The following NETO2 variants were observed in gnomAD, a reference collection of about 807,000 sequenced individuals.
NETO2 encodes the protein neuropilin and tolloid like 2, also known as neuropilin and tolloid-like protein 2.
NETO2 carries 28 observed loss-of-function variants against 62.5 expected under a neutral mutation model. The observed-to-expected ratio is 0.45, with a 90% confidence interval of 0.33 to 0.61. The LOEUF (loss-of-function observed/expected upper bound fraction) is 0.61, where lower values mean the gene tolerates loss of function less well. NETO2 is among the 20% of genes least tolerant of loss of function. The pLI, the probability that NETO2 is intolerant of heterozygous loss-of-function variation, is 0.02. For synonymous variants in NETO2, 214 were observed against 219.1 expected (o/e 0.98, Z 0.21); for missense variants, 548 against 643.2 (o/e 0.85, Z 1.60).
chr16:47,129,239 T>C lies in NETO2; in HGVS notation c.217A>G (p.Ile73Val), dbSNP rs771871789. Residue 73 changes from isoleucine to valine, a missense_variant, in exon 3 of 9, where the codon ATC becomes GTC. By Grantham distance (29) the Ile-to-Val change is conservative. Coordinates refer to ENST00000562435, the MANE Select transcript of NETO2 (RefSeq NM_018092.5). ...PDSYPPNKEC[I>V]YILEAAPRQR... Reference sequence around the variant, plus strand: ...GTTCAAATACCTTCCAAAATGTAGATACACTCCTTGTTTGGTGGATATGAG... The same window carrying C: ...GTTCAAATACCTTCCAAAATGTAGACACACTCCTTGTTTGGTGGATATGAG... 4.3e-6 allele frequency: 7 copies of C among 1,613,972 alleles called. No homozygotes were observed. The highest frequency in any genetic ancestry group is 5.9e-6 in the Non-Finnish European group (7 of 1,179,944).
At chr16:47,136,903 T>A (rs889494748) in intron 1 of NETO2, among the ~76,000 whole-genome samples, 1 of 151,922 alleles carries the variant, frequency 6.6e-6, no homozygotes, top group African/African-American at 2.4e-5. Context: ...GCACCTTCAT[T>A]TACTAACGAC....
At chr16:47,142,390 T>C (rs578036003) in intron 1 of NETO2, among the ~76,000 whole-genome samples, 142 of 152,314 alleles carry the variant, frequency 9.3e-4, no homozygotes, top group African/African-American at 3.4e-3. Context: ...TTTAGGAATA[T>C]GTGGAGAGTA....
intron 7 of NETO2, among the ~76,000 whole-genome samples, chr16:47,089,135 T>C (rs992527318): frequency 3.3e-5 from 5 of 152,310 alleles, no homozygotes; most frequent in Non-Finnish European, 7.4e-5. Context: ...TTTCTCTATA[T>C]ACAGTTCAAC....
chr16:47,078,546 T>A lies in NETO2; in HGVS notation c.*4675A>T, dbSNP rs1283841141. 1.3e-5 allele frequency: 2 copies of A among 152,196 alleles called. No homozygotes were observed. Among genetic ancestry groups the A allele is most frequent in the African/African-American group, 4.8e-5 (2 of 41,450 alleles). The allele number at this position is 152,196 out of a possible 1,614,324, so 9.4% of individuals were successfully genotyped here. A position where few individuals can be genotyped will look rare whatever the true frequency, so the allele number is the denominator to read the frequency against. ...AAAATACATTTTTAAAAAGTTAAAGTAAAGCAAATTCAGAGTTTTGAATTA... is the reference window on the plus strand; with the variant it reads ...AAAATACATTTTTAAAAAGTTAAAGAAAAGCAAATTCAGAGTTTTGAATTA... On this transcript the variant is annotated 3_prime_UTR_variant, in exon 9 of 9. Coordinates refer to ENST00000562435, the MANE Select transcript of NETO2 (RefSeq NM_018092.5).
chr16:47,142,500 C>T (rs754338442), intron 1 of NETO2, among the ~76,000 whole-genome samples: 2 of 152,140 alleles, frequency 1.3e-5, no homozygotes, highest in Non-Finnish European at 2.9e-5. Flanking sequence ...AAAAGTCACT[C>T]TACAAATATT....
intron 1 of NETO2, among the ~76,000 whole-genome samples, chr16:47,136,386 G>T (rs1182811573): frequency 6.6e-6 from 1 of 151,994 alleles, no homozygotes; most frequent in Non-Finnish European, 1.5e-5. Context: ...CTCAGAAATA[G>T]ATATATATAT....
intron 7 of NETO2, among the ~76,000 whole-genome samples, chr16:47,089,233 T>C (rs1963261672): frequency 6.6e-6 from 1 of 152,172 alleles, no homozygotes; most frequent in Non-Finnish European, 1.5e-5. Context: ...GTGGCTGACA[T>C]GACTGAAGAG....
chr16:47,087,086 T>C (rs1487434222), intron 7 of NETO2, among the ~76,000 whole-genome samples: 10 of 151,706 alleles, frequency 6.6e-5, no homozygotes, highest in Admixed American at 6.6e-4. Flanking sequence ...TGGAGTGCAG[T>C]GGCATGATCT....
rs567827312 is a variant in NETO2 at position 47,110,834 on chromosome 16, G to A, written c.655-1123C>T. ...CCCCACCCCACCAAATACCTTGATG[G>A]CATAAAACTAAGAGAGAACAACTTA... On this transcript the variant is annotated intron_variant, in intron 6 of 8. Transcript: ENST00000562435. Among the ~76,000 whole-genome samples the A allele has an allele frequency of 2.6e-5, 4 of 151,266 alleles. No individual in the cohort carries two copies. In the East Asian group the frequency reaches 7.8e-4, roughly 29 times the overall value.
In NETO2 at chr16:47,109,592, A is replaced by G. The variant is rs372099839; in HGVS notation, c.774T>C (p.Thr258=). 5 of 1,613,968 alleles carry G rather than the reference A, an allele frequency of 3.1e-6. No individual in the cohort carries two copies. In the Admixed American group the frequency reaches 5.0e-5, roughly 16 times the overall value. The change falls in exon 7 of 9, where the codon ACT becomes ACC. Residue 258 remains threonine, a synonymous_variant. Transcript: ENST00000562435. ...IENLKAKFCS[T]VANDVMLKTG... The stretch of plus-strand genomic sequence containing the variant: ...TTTTAAGCATTACATCATTGGCCAC[A>G]GTGCTGCAAAACTTGGCCTTCAGGT...
intron 6 of NETO2, among the ~76,000 whole-genome samples, chr16:47,114,753 A>C (rs1391549124): frequency 6.6e-6 from 1 of 151,728 alleles, no homozygotes; most frequent in Non-Finnish European, 1.5e-5. Context: ...CCCAGCCTGA[A>C]TTTTTCTTTT....
At chr16:47,137,835 T>C (rs1055047179) in intron 1 of NETO2, among the ~76,000 whole-genome samples, 5 of 152,192 alleles carry the variant, frequency 3.3e-5, no homozygotes, top group African/African-American at 1.2e-4. Flanking sequence ...ATACCTAAAC[T>C]AACAGTTTAA....
At chr16:47,097,750 C>T (rs907316895) in intron 7 of NETO2, among the ~76,000 whole-genome samples, 1 of 152,162 alleles carries the variant, frequency 6.6e-6, no homozygotes, top group South Asian at 2.1e-4. Context: ...CAGAAGGGGT[C>T]GACAGACACC....
At chr16:47,134,645 C>A (rs1428784950) in intron 1 of NETO2, among the ~76,000 whole-genome samples, 1 of 152,112 alleles carries the variant, frequency 6.6e-6, no homozygotes, top group African/African-American at 2.4e-5. Context: ...TAACTATTTA[C>A]CAGTTTGACA....
rs12597976 is a variant in NETO2 at position 47,107,621 on chromosome 16, T to C, written c.883+1862A>G. ...TCCAGCGTTGGGTCAGGGAAAACAC[T>C]AGTTGAGCCTGGTTCATCCAGCATT... On this transcript the variant is annotated intron_variant, in intron 7 of 8. Coordinates refer to ENST00000562435, the MANE Select transcript of NETO2 (RefSeq NM_018092.5). 7.5e-4 allele frequency among the ~76,000 whole-genome samples: 114 copies of C among 152,300 alleles called. No homozygotes were observed. The East Asian group carries it at 0.021, about 29-fold the overall frequency.
chr16:47,097,908 C>A (rs1963462057), intron 7 of NETO2, among the ~76,000 whole-genome samples: 1 of 152,184 alleles, frequency 6.6e-6, no homozygotes, highest in South Asian at 2.1e-4. Context: ...CTCCAGCAAA[C>A]TCCAGCAGAT....
intron 7 of NETO2, among the ~76,000 whole-genome samples, chr16:47,089,498 T>C (rs570524757): frequency 6.6e-6 from 1 of 152,324 alleles, no homozygotes; most frequent in South Asian, 2.1e-4. Flanking sequence ...ATACTTCTGT[T>C]TTAGACTTAA....
In NETO2 at chr16:47,143,700, C is replaced by G. The variant is rs1964514738; in HGVS notation, c.-88G>C. The G allele has an allele frequency of 2.5e-6, 3 of 1,207,484 alleles. No individual in the cohort carries two copies. In the African/African-American group the frequency reaches 4.7e-5, roughly 19 times the overall value. 74.8% of individuals were successfully genotyped at this position (1,207,484 alleles called of 1,614,324 possible). On this transcript the variant is annotated 5_prime_UTR_variant, in exon 1 of 9. Coordinates refer to ENST00000562435, the MANE Select transcript of NETO2 (RefSeq NM_018092.5). ...ACGGCTCGGCGCGGCGGCGACGGCC[C>G]CACTCCGTCCCCATCGCCGGCCAGC...
chr16:47,094,751 C>T (rs1963394479), intron 7 of NETO2, among the ~76,000 whole-genome samples: 1 of 151,988 alleles, frequency 6.6e-6, no homozygotes, highest in South Asian at 2.1e-4. Context: ...CGGGGTCTTG[C>T]TCTGTCACCC....
Sources: allele counts gnomAD v4.1 joint callset (sites outside exome capture counted in the v4.1 genomes callset), GRCh38; gene constraint gnomAD v4.1.1; transcripts MANE v1.5; gene names NCBI Gene and HGNC (gene_info 2026-07-23, HGNC 2026-07-21).